LRRC36: variants seen among roughly 807,000 people sequenced by gnomAD.
LRRC36 encodes the protein leucine rich repeat containing 36, also known as leucine-rich repeat-containing protein 36.
Under a neutral mutation model 81.1 loss-of-function variants are expected in LRRC36, and 62 were observed. The ratio of observed to expected loss-of-function variants is 0.76; its 90% CI spans 0.62 to 0.94. The LOEUF is 0.94. Among genes scored for constraint, LRRC36 ranks in the 40% least tolerant of loss-of-function variants. The pLI is 0.00. For missense variants in LRRC36, 761 were observed against 881.7 expected, an observed-to-expected ratio of 0.86 and a Z score of 1.73; for synonymous variants, 334 against 348.6, an observed-to-expected ratio of 0.96 and a Z score of 0.47.
chr16:67,335,378 G>A (rs2037708163), intron 1 of LRRC36, among the ~76,000 whole-genome samples: 1 of 152,150 alleles, frequency 6.6e-6, no homozygotes, highest in Admixed American at 6.5e-5. Flanking sequence ...GTTCCACCTG[G>A]CTCACCGGCA....
intron 9 of LRRC36, 73 bp from the exon 10 acceptor site, chr16:67,375,174 T>G: frequency 6.7e-7 from 1 of 1,489,508 alleles, no homozygotes; most frequent in Non-Finnish European, 9.1e-7. Context: ...AATTCTTACT[T>G]CCTTTATTGT....
chr16:67,370,957 A>C lies in LRRC36; in HGVS notation c.1209A>C (p.Thr403=). The part of the protein sequence containing the change: ...LLKLSSDLYA[T]THFNSDPAVL... ...TTTCCTCCACAGATCTGTATGCCAC[A>C]ACCCATTTCAACAGTGACCCTGCTG... Residue 403 remains threonine, a synonymous_variant, in exon 9 of 14, where the codon ACA becomes ACC. Coordinates refer to ENST00000329956, the MANE Select transcript of LRRC36 (RefSeq NM_018296.6). The C allele has an allele frequency of 1.2e-6, 2 of 1,613,212 alleles. No individual in the cohort carries two copies. Among genetic ancestry groups the C allele is most frequent in the Non-Finnish European group, 1.7e-6 (2 of 1,179,278 alleles).
rs1015471341 is a variant in LRRC36, at chr16:67,378,235, C to CTTTTT, written c.1807-336_1807-332dup. ...TAAACACACCTTAGCATGTCAGATTCTTTTTTTTTTTTTTTTTTTTTTGAG... is the reference window on the plus strand; with the variant it reads ...TAAACACACCTTAGCATGTCAGATTCTTTTTTTTTTTTTTTTTTTTTTTTTTTGAG... On this transcript the variant is annotated intron_variant, in intron 11 of 13. Transcript: ENST00000329956. 1.1e-3 allele frequency among the ~76,000 whole-genome samples: 112 copies of CTTTTT among 100,462 alleles called. 4 individuals are homozygous for CTTTTT. Among genetic ancestry groups the CTTTTT allele is most frequent in the African/African-American group, 1.3e-3 (27 of 21,082 alleles). 65.9% of individuals were successfully genotyped at this position (100,462 alleles called of 152,430 possible). A position where few individuals can be genotyped will look rare whatever the true frequency, so the allele number is the denominator to read the frequency against.
chr16:67,383,025 A>G (rs1455694247), intron 13 of LRRC36, among the ~76,000 whole-genome samples: 1 of 145,472 alleles, frequency 6.9e-6, no homozygotes, highest in Non-Finnish European at 1.5e-5. Flanking sequence ...GCAAGCCGAG[A>G]TCGCGCCATT....
chr16:67,343,290 G>A (rs969283510), intron 2 of LRRC36, among the ~76,000 whole-genome samples: 3 of 152,056 alleles, frequency 2.0e-5, no homozygotes, highest in East Asian at 1.9e-4. Flanking sequence ...GGCTGGGCAC[G>A]GTGACTCACA....
chr16:67,367,434 G>A lies in LRRC36; in HGVS notation c.1172G>A (p.Gly391Glu). The part of the protein sequence containing the change: ...TSLSNPDSST[G>E]RLLKLSSDLY... Reference sequence around the variant, plus strand: ...CTGTCAAACCCTGACTCCAGCACTGGAAGGCTTTTGAAGCTTAGTTCAGGT... The same window carrying A: ...CTGTCAAACCCTGACTCCAGCACTGAAAGGCTTTTGAAGCTTAGTTCAGGT... Residue 391 changes from glycine to glutamate, a missense_variant, in exon 8 of 14, where the codon GGA becomes GAA. Coordinates refer to ENST00000329956, the MANE Select transcript of LRRC36 (RefSeq NM_018296.6). 3 of 1,611,996 alleles carry A rather than the reference G, an allele frequency of 1.9e-6. No homozygotes were observed. Among genetic ancestry groups the A allele is most frequent in the Non-Finnish European group, 2.5e-6 (3 of 1,178,914 alleles).
At position 67,354,372 on chromosome 16, in the gene LRRC36, G is replaced by A. The variant is rs146963051; in HGVS notation, c.577+4082G>A. 3.7e-3 allele frequency among the ~76,000 whole-genome samples: 567 copies of A among 152,016 alleles called. 16 individuals carry two copies. The highest frequency in any genetic ancestry group is 0.033 in the Admixed American group (498 of 15,248). ...GGCTTATTGCAACTTCCACCTCCCG[G>A]GTTCAAGTGATTCTCATGTCTCACC... On this transcript the variant is annotated intron_variant, in intron 5 of 13. Coordinates refer to ENST00000329956, the MANE Select transcript of LRRC36 (RefSeq NM_018296.6).
In LRRC36 at chr16:67,326,945, C is replaced by G. The variant is rs779398666; in HGVS notation, c.70+13C>G. Reference sequence around the variant, plus strand: ...CTGGAGCAGCCGGGTAGGGTCTGGCCGGGAGGGTGTGGACTGGGAACGTAG... The same window carrying G: ...CTGGAGCAGCCGGGTAGGGTCTGGCGGGGAGGGTGTGGACTGGGAACGTAG... On this transcript the variant is annotated intron_variant, in intron 1 of 13. Coordinates refer to ENST00000329956, the MANE Select transcript of LRRC36 (RefSeq NM_018296.6). The G allele has an allele frequency of 6.7e-7, 1 of 1,498,142 alleles. No individual in the cohort carries two copies. 92.8% of individuals were successfully genotyped at this position (1,498,142 alleles called of 1,614,324 possible).
At chr16:67,340,840 TA>T (rs2038004742) in intron 1 of LRRC36, among the ~76,000 whole-genome samples, 1 of 141,878 alleles carries the variant, frequency 7.0e-6, no homozygotes, top group African/African-American at 2.8e-5. Flanking sequence ...CTATAGAATA[TA>T]TACCACATAT....
intron 5 of LRRC36, among the ~76,000 whole-genome samples, chr16:67,358,233 AT>A (rs1172164851): frequency 2.6e-5 from 4 of 151,538 alleles, no homozygotes; most frequent in African/African-American, 9.7e-5. Context: ...AAAAGACTTC[AT>A]AAAAATTAAA....
chr16:67,366,275 A>G (rs1397593993), intron 7 of LRRC36, among the ~76,000 whole-genome samples: 2 of 152,128 alleles, frequency 1.3e-5, no homozygotes, highest in Middle Eastern at 3.4e-3. Flanking sequence ...CTCCCACCTC[A>G]GCCTCCCAAG....
intron 10 of LRRC36, 94 bp from the exon 11 acceptor site, chr16:67,376,633 C>T (rs1419404503): frequency 6.2e-6 from 8 of 1,281,138 alleles, no homozygotes; most frequent in African/African-American, 5.9e-5. Context: ...AATACATTAG[C>T]CTATTTGATC....
intron 1 of LRRC36, among the ~76,000 whole-genome samples, chr16:67,327,815 A>T (rs761496730): frequency 2.0e-5 from 3 of 152,146 alleles, no homozygotes; most frequent in Non-Finnish European, 2.9e-5. Flanking sequence ...CGAGCAAGCA[A>T]TGGCCAACTG....
chr16:67,338,701 G>T (rs913081797), intron 1 of LRRC36, among the ~76,000 whole-genome samples: 6 of 151,858 alleles, frequency 4.0e-5, no homozygotes, highest in Admixed American at 2.6e-4. Context: ...AAGTTATGTA[G>T]ATCTTCCAAA....
chr16:67,380,988 C>A (rs1597509889), intron 12 of LRRC36, among the ~76,000 whole-genome samples: 1 of 152,262 alleles, frequency 6.6e-6, no homozygotes, highest in African/African-American at 2.4e-5. Context: ...CTTTGGGAGG[C>A]TGGGGTGGGT....
intron 1 of LRRC36, among the ~76,000 whole-genome samples, chr16:67,334,146 C>T (rs2037639343): frequency 6.6e-6 from 1 of 151,448 alleles, no homozygotes; most frequent in Non-Finnish European, 1.5e-5. Flanking sequence ...ATTCTCCTGC[C>T]TCAGCCTCCC....
chr16:67,341,853 G>A (rs2038099592), intron 1 of LRRC36, 104 bp from the exon 2 acceptor site: 2 of 804,352 alleles, frequency 2.5e-6, no homozygotes, highest in East Asian at 2.6e-5. Flanking sequence ...TGGATGTAGG[G>A]CCTTGCACAG....
chr16:67,347,566 A>C lies in LRRC36; in HGVS notation c.463A>C (p.Asn155His), dbSNP rs766587513. Reference sequence around the variant, plus strand: ...TTTTAGTCAGTTGGGCAACAGTGAAAATTTTCTTTTAGAGGTGGAAAAAAG... The same window carrying C: ...TTTTAGTCAGTTGGGCAACAGTGAACATTTTCTTTTAGAGGTGGAAAAAAG... Reference protein sequence around the residue: ...LHFSQLGNSENFLLEVEKSSR... With the variant: ...LHFSQLGNSEHFLLEVEKSSR... The change falls in exon 4 of 14, where the codon AAT becomes CAT. Residue 155 changes from asparagine (N) to histidine (H), a missense_variant. By Grantham distance (68) the Asn-to-His change is moderately conservative. This residue lies in a region of LRRC36 where 263 missense variants were observed against 279.3 expected (regional missense o/e 0.94). Coordinates refer to ENST00000329956, the MANE Select transcript of LRRC36 (RefSeq NM_018296.6). 5 of 1,612,566 alleles carry C rather than the reference A, an allele frequency of 3.1e-6. No homozygotes were observed. In the South Asian group the frequency reaches 3.3e-5, roughly 11 times the overall value.
chr16:67,377,252 A>C (rs1360602596), intron 11 of LRRC36, among the ~76,000 whole-genome samples: 1 of 152,226 alleles, frequency 6.6e-6, no homozygotes, highest in Non-Finnish European at 1.5e-5. Context: ...GCTAAGGGCC[A>C]TTCTAGAGCA....
Sources: gnomAD v4.1 joint callset for allele counts (sites outside exome capture counted in the v4.1 genomes callset) on GRCh38, gnomAD v4.1.1 for gene constraint, gnomAD v4.1.1 regional missense constraint, MANE v1.5 for transcripts, NCBI Gene and HGNC (gene_info 2026-07-23, HGNC 2026-07-21) for gene names.